DCTN2: variants seen among roughly 807,000 people sequenced by gnomAD.
DCTN2 encodes 50 kDa dynein-associated polypeptide.
DCTN2 carries 18 observed loss-of-function variants against 55.4 expected under a neutral mutation model. The ratio of observed to expected loss-of-function variants is 0.32; its 90% CI spans 0.22 to 0.48. DCTN2 has a LOEUF of 0.48. DCTN2 is among the 20% of genes least tolerant of loss of function. The pLI is 0.99. For synonymous variants in DCTN2, 168 were observed against 185.2 expected, an observed-to-expected ratio of 0.91 and a Z score of 0.76; for missense variants, 390 against 491.0, an observed-to-expected ratio of 0.79 and a Z score of 1.94.
intron 2 of DCTN2, chr12:57,536,163 G>T (rs915071599): frequency 4.4e-5 from 14 of 318,606 alleles, no homozygotes; most frequent in Middle Eastern, 8.6e-4. Flanking sequence ...CACACGCCAT[G>T]CACTCAAGGC....
At chr12:57,531,796 C>A (rs1037593435) in intron 13 of DCTN2, among the ~76,000 whole-genome samples, 8 of 152,288 alleles carry the variant, frequency 5.3e-5, no homozygotes, top group African/African-American at 1.9e-4. Context: ...ATCTACATAA[C>A]TCTGAGGGAG....
Position 57,531,881 on chromosome 12 carries a change from G to A in DCTN2, c.1119+134C>T, listed in dbSNP as rs890153473. ...TCAAAGGGCCTTCACATTGAAAGCAGGATGGAGACTCCAGACCAACCCCCT... is the reference window on the plus strand; with the variant it reads ...TCAAAGGGCCTTCACATTGAAAGCAAGATGGAGACTCCAGACCAACCCCCT... On this transcript the variant is annotated intron_variant, in intron 13 of 13. Coordinates refer to ENST00000548249, the MANE Select transcript of DCTN2 (RefSeq NM_001261413.2). 3 of 1,272,370 alleles carry A rather than the reference G, an allele frequency of 2.4e-6. No individual in the cohort carries two copies. The African/African-American group carries it at 4.5e-5, about 19-fold the overall frequency. The allele number at this position is 1,272,370 out of a possible 1,614,324, so 78.8% of individuals were successfully genotyped here.
rs371963229 is a variant in DCTN2 at position 57,547,091 on chromosome 12, C to G, written c.-28G>C. The G allele has an allele frequency of 7.9e-7, 1 of 1,260,334 alleles. No individual in the cohort carries two copies. The highest frequency in any genetic ancestry group is 3.1e-5 in the East Asian group (1 of 32,374). 78.1% of individuals were successfully genotyped at this position (1,260,334 alleles called of 1,614,324 possible). On this transcript the variant is annotated 5_prime_UTR_variant, in exon 1 of 14. Transcript: ENST00000548249. ...CGGCGGCGAGACGGGCTGGGGGACC[C>G]GGGCCTCGGTGGAGCCGGGGCCGGT...
At chr12:57,530,979 C>T (rs368573326) in intron 13 of DCTN2, among the ~76,000 whole-genome samples, 2 of 152,134 alleles carry the variant, frequency 1.3e-5, no homozygotes, top group East Asian at 1.9e-4. Flanking sequence ...AGGTAGGACT[C>T]GAGAATTCCC....
intron 4 of DCTN2, 49 bp from the exon 5 acceptor site, chr12:57,535,203 C>A: frequency 6.8e-7 from 1 of 1,479,972 alleles, no homozygotes; most frequent in Non-Finnish European, 9.3e-7. Context: ...TTACAGGGAG[C>A]CTCAAGAATT....
intron 7 of DCTN2, 139 bp downstream of exon 7, chr12:57,533,814 G>A (rs1484106053): frequency 4.4e-6 from 4 of 910,924 alleles, no homozygotes; most frequent in Non-Finnish European, 6.5e-6. Flanking sequence ...CAACGAATCA[G>A]GAATCAAAAG....
chr12:57,536,120 C>T (rs1325066422), intron 2 of DCTN2: 2 of 431,362 alleles, frequency 4.6e-6, no homozygotes, highest in Non-Finnish European at 8.3e-6. Flanking sequence ...TAAGCCTTCC[C>T]ATCCCCCCAT....
chr12:57,533,299 G>C lies in DCTN2; in HGVS notation c.674C>G (p.Ala225Gly). 6.2e-7 allele frequency: 1 copy of C among 1,613,912 alleles called. No homozygotes were observed. The highest frequency in any genetic ancestry group is 2.2e-5 in the East Asian group (1 of 44,890). Residue 225 changes from alanine (A) to glycine (G), a missense_variant, in exon 8 of 14, where the codon GCA (alanine) becomes GGA (glycine). Ala to Gly is a moderately conservative substitution (Grantham distance 60). Around this residue, in one of 2 missense-constraint regions of DCTN2, gnomAD observed 273 missense variants for 303.2 expected, o/e 0.90. Coordinates refer to ENST00000548249, the MANE Select transcript of DCTN2 (RefSeq NM_001261413.2). Reference sequence around the variant, plus strand: ...CTCTGTCAGGCGCTTTTCAAGTTCTGCGACCTAGTGGGAGGAAGGAGGTGA... The same window carrying C: ...CTCTGTCAGGCGCTTTTCAAGTTCTCCGACCTAGTGGGAGGAAGGAGGTGA... The part of the protein sequence containing the change: ...QDKFSQAAKV[A>G]ELEKRLTELE...
chr12:57,534,664 A>G, intron 5 of DCTN2: 1 of 505,890 alleles, frequency 2.0e-6, no homozygotes, highest in Non-Finnish European at 3.4e-6. Context: ...AGCTTAAGGA[A>G]TCTTTCTTTC....
intron 6 of DCTN2, 24 bp from the exon 7 acceptor site, chr12:57,534,121 T>C (rs1880010304): frequency 1.3e-6 from 2 of 1,566,570 alleles, no homozygotes; most frequent in Admixed American, 1.9e-5. Flanking sequence ...CGAGTAATAA[T>C]ATCATGACTG....
chr12:57,530,381 G>C lies in DCTN2; in HGVS notation c.*308C>G. 2 of 315,358 alleles carry C rather than the reference G, an allele frequency of 6.3e-6. No individual in the cohort carries two copies. The highest frequency in any genetic ancestry group is 1.2e-5 in the Non-Finnish European group (2 of 166,936). The allele number at this position is 315,358 out of a possible 1,614,324, so 19.5% of individuals were successfully genotyped here. ...ACAGTCAGCCACAGAAGCTGTGTTGGGGGACAAGACCCAATCCTTCCCCAC... is the reference window on the plus strand; with the variant it reads ...ACAGTCAGCCACAGAAGCTGTGTTGCGGGACAAGACCCAATCCTTCCCCAC... On this transcript the variant is annotated 3_prime_UTR_variant, in exon 14 of 14. Transcript: ENST00000548249.
At chr12:57,535,908 C>G in intron 2 of DCTN2, 63 bp from the exon 3 acceptor site, 4 of 1,287,738 alleles carry the variant, frequency 3.1e-6, no homozygotes, top group Non-Finnish European at 4.4e-6. Context: ...TTACTCTACC[C>G]CACAAAATCC....
At chr12:57,533,770 CAAAAAA>C (rs34012531) in intron 7 of DCTN2, among the ~76,000 whole-genome samples, 177 bp downstream of exon 7, 1 of 124,824 alleles carries the variant, frequency 8.0e-6, no homozygotes. Flanking sequence ...GACTCCGTCT[CAAAAAA>C]AAAAAAAAAA....
At chr12:57,538,646 A>G in intron 2 of DCTN2, 1 of 676,980 alleles carries the variant, frequency 1.5e-6, no homozygotes, top group Admixed American at 2.0e-5. Context: ...CATGCACTAC[A>G]TGACAGTCTT....
chr12:57,533,328 T>G, intron 7 of DCTN2, 25 bp from the exon 8 acceptor site: 2 of 1,610,284 alleles, frequency 1.2e-6, no homozygotes, highest in African/African-American at 1.3e-5. Context: ...GAGGTGAGAT[T>G]TGCCATCTGC....
At chr12:57,543,642 A>T in intron 2 of DCTN2, 1 of 467,914 alleles carries the variant, frequency 2.1e-6, no homozygotes, top group Non-Finnish European at 2.8e-6. Context: ...CAGAGACATT[A>T]GCTGACATCA....
intron 2 of DCTN2, among the ~76,000 whole-genome samples, chr12:57,540,689 T>A (rs1055946081): frequency 6.6e-6 from 1 of 152,168 alleles, no homozygotes; most frequent in Non-Finnish European, 1.5e-5. Flanking sequence ...AAAACCATGA[T>A]GACAAGGAAG....
chr12:57,534,121 TATC>T (rs775385296), intron 6 of DCTN2, 24 bp from the exon 7 acceptor site: 3 of 1,566,688 alleles, frequency 1.9e-6, no homozygotes, highest in Non-Finnish European at 2.6e-6. Context: ...CGAGTAATAA[TATC>T]ATGACTGGAA....
At chr12:57,538,995 T>A (rs1015978183) in intron 2 of DCTN2, among the ~76,000 whole-genome samples, 2 of 152,226 alleles carry the variant, frequency 1.3e-5, no homozygotes, top group African/African-American at 2.4e-5. Context: ...GGAGAGGAGT[T>A]CCCCTTCTTA....
Sources: allele counts gnomAD v4.1 joint callset (sites outside exome capture counted in the v4.1 genomes callset), GRCh38; gene constraint gnomAD v4.1.1; regional missense constraint gnomAD v4.1.1; transcripts MANE v1.5; gene names NCBI Gene and HGNC (gene_info 2026-07-23, HGNC 2026-07-21).